The following FASTKD3 variants were observed in gnomAD, a reference collection of about 807,000 sequenced individuals.
FASTKD3 encodes the protein FAST kinase domain-containing protein 3, mitochondrial.
Under a neutral mutation model 49.7 loss-of-function variants are expected in FASTKD3, and 47 were observed. The ratio of observed to expected loss-of-function variants is 0.95; its 90% CI spans 0.75 to 1.21. FASTKD3 has a LOEUF of 1.21. Ranked by LOEUF, FASTKD3 falls within the 50% of genes most tolerant of loss-of-function variation. The pLI is 0.00. For missense variants in FASTKD3, 748 were observed against 765.7 expected (o/e 0.98, Z 0.27); for synonymous variants, 284 against 288.6 (o/e 0.98, Z 0.16).
rs762935003 is a variant in FASTKD3 at position 7,866,869 on chromosome 5, A to G, written c.1215T>C (p.Pro405=). 1.9e-6 allele frequency: 3 copies of G among 1,614,110 alleles called. No homozygotes were observed. In the East Asian group the frequency reaches 6.7e-5, roughly 36 times the overall value. ...TFVCQTEKFS[P]RQISALMEPF... ...GTTCCATTAAGGCAGAAATCTGACG[A>G]GGTGAAAATTTTTCTGTTTGGCAAA... is the stretch of plus-strand genomic sequence containing the variant. Residue 405 remains proline, a synonymous_variant, in exon 2 of 7, where the codon CCT becomes CCC. Coordinates refer to ENST00000264669, the MANE Select transcript of FASTKD3 (RefSeq NM_024091.4).
In FASTKD3 at chr5:7,867,864, G is replaced by A; in HGVS notation, c.220C>T (p.His74Tyr). ...GAGAACACTGGTCCACCGAGTGGAT[G>A]AAGGTCATTTCCATTTTTCGAATGA... Reference protein sequence around the residue: ...KFHSKNGNDLHPLGGPVFSQV... With the variant: ...KFHSKNGNDLYPLGGPVFSQV... Residue 74 changes from histidine (H) to tyrosine (Y), a missense_variant, in exon 2 of 7, where the codon CAT becomes TAT. This residue lies in a region of FASTKD3 where 564 missense variants were observed against 562.8 expected (regional missense o/e 1.00). Coordinates refer to ENST00000264669, the MANE Select transcript of FASTKD3 (RefSeq NM_024091.4). The A allele has an allele frequency of 6.2e-7, 1 of 1,614,186 alleles. No individual in the cohort carries two copies. The highest frequency in any genetic ancestry group is 8.5e-7 in the Non-Finnish European group (1 of 1,180,024).
At position 7,867,740 on chromosome 5, in the gene FASTKD3, ACTT is replaced by A. The variant is rs766613241; in HGVS notation, c.341_343del (p.Glu114del). The A allele has an allele frequency of 5.0e-6, 8 of 1,614,038 alleles. No homozygotes were observed. The highest frequency in any genetic ancestry group is 4.0e-5 in the African/African-American group (3 of 74,906). Reference sequence around the variant, plus strand: ...TTCCATCGTGCTTATAAAACTTAGCACTTCTTCTGATGAAGTCAAGTTGCTCAG... The same window carrying A: ...TTCCATCGTGCTTATAAAACTTAGCACTTCTGATGAAGTCAAGTTGCTCAG... On this transcript the variant is annotated inframe_deletion, in exon 2 of 7. Transcript: ENST00000264669.
At chr5:7,866,156 A>T (rs1172262727) in intron 2 of FASTKD3, among the ~76,000 whole-genome samples, 173 bp from the exon 3 acceptor site, 1 of 152,202 alleles carries the variant, frequency 6.6e-6, no homozygotes, top group Non-Finnish European at 1.5e-5. Flanking sequence ...GCCACCAATG[A>T]AATTGACTTC....
chr5:7,861,241 G>C lies in FASTKD3; in HGVS notation c.1792C>G (p.Pro598Ala). The change falls in exon 6 of 7, where the codon CCA becomes GCA. Residue 598 changes from proline to alanine, a missense_variant. This residue lies in a region of FASTKD3 where 178 missense variants were observed against 182.2 expected (regional missense o/e 0.98). Transcript: ENST00000264669. ...TTGCTATTGGAGCAAAACCTTTTTG[G>C]ACCATCAATACACAGTGCTATCCTG... The part of the protein sequence containing the change: ...HKRIALCIDG[P>A]KRFCSNSKHL... 1 of 1,609,220 alleles carries C rather than the reference G, an allele frequency of 6.2e-7. No homozygotes were observed. The highest frequency in any genetic ancestry group is 8.5e-7 in the Non-Finnish European group (1 of 1,176,282).
intron 4 of FASTKD3, 59 bp downstream of exon 4, chr5:7,862,764 T>G (rs553690613): frequency 2.1e-6 from 3 of 1,419,600 alleles, no homozygotes; most frequent in African/African-American, 1.4e-5. Context: ...GTCCCATATA[T>G]CTCCAAAATC....
At chr5:7,864,608 T>C (rs554304721) in intron 3 of FASTKD3, among the ~76,000 whole-genome samples, 2 of 152,146 alleles carry the variant, frequency 1.3e-5, no homozygotes, top group African/African-American at 4.8e-5. Context: ...TCAAAAGAAA[T>C]GTAAATGGCC....
chr5:7,868,285 G>A (rs544183339), intron 1 of FASTKD3, 89 bp from the exon 2 acceptor site: 1 of 510,670 alleles, frequency 2.0e-6, no homozygotes, highest in East Asian at 3.1e-5. Context: ...TAGAAGAGTG[G>A]CTGACATTGA....
Position 7,859,501 on chromosome 5 carries a change from A to G in FASTKD3, c.1923T>C (p.Arg641=). ...TTCTTTGTAAATATTCCACCAATTC[A>G]CGTCTTGATTTTAGCATCCCAATCT... ...YHEIGMLKSR[R]ELVEYLQRKL... is the part of the protein sequence containing the mutation. Residue 641 remains arginine, a synonymous_variant, in exon 7 of 7, where the codon CGT becomes CGC. Coordinates refer to ENST00000264669, the MANE Select transcript of FASTKD3 (RefSeq NM_024091.4). 6.2e-7 allele frequency: 1 copy of G among 1,606,202 alleles called. No homozygotes were observed.
chr5:7,864,692 C>T (rs1011736535), intron 3 of FASTKD3, among the ~76,000 whole-genome samples: 3 of 152,136 alleles, frequency 2.0e-5, no homozygotes, highest in Admixed American at 1.3e-4. Context: ...ATATGATATC[C>T]TCTTTCATGT....
At chr5:7,861,773 G>C in intron 4 of FASTKD3, 121 bp from the exon 5 acceptor site, 15 of 1,448,184 alleles carry the variant, frequency 1.0e-5, no homozygotes, top group Non-Finnish European at 1.4e-5. Context: ...TGGACTGAAG[G>C]CTGCAAAGTA....
intron 2 of FASTKD3, among the ~76,000 whole-genome samples, 198 bp from the exon 3 acceptor site, chr5:7,866,181 C>G (rs1407731741): frequency 1.3e-5 from 2 of 152,146 alleles, no homozygotes; most frequent in Non-Finnish European, 2.9e-5. Flanking sequence ...AACCCAAGCT[C>G]CTAGCTACAG....
Position 7,859,289 on chromosome 5 carries a change from A to G in FASTKD3, c.*146T>C. The G allele has an allele frequency of 6.6e-6, 3 of 452,550 alleles. No homozygotes were observed. The highest frequency in any genetic ancestry group is 1.2e-5 in the Non-Finnish European group (3 of 255,078). The allele number at this position is 452,550 out of a possible 1,614,324, so 28.0% of individuals were successfully genotyped here. A position where few individuals can be genotyped will look rare whatever the true frequency, so the allele number is the denominator to read the frequency against. On this transcript the variant is annotated 3_prime_UTR_variant, in exon 7 of 7. Coordinates refer to ENST00000264669, the MANE Select transcript of FASTKD3 (RefSeq NM_024091.4). ...AAATTTTACCACAATAAATGTATACATAGTATAAGGAAAACTACAGATGCT... is the reference window on the plus strand; with the variant it reads ...AAATTTTACCACAATAAATGTATACGTAGTATAAGGAAAACTACAGATGCT...
chr5:7,859,581 A>G, intron 6 of FASTKD3, 42 bp from the exon 7 acceptor site: 2 of 1,284,804 alleles, frequency 1.6e-6, no homozygotes, highest in South Asian at 1.3e-5. Context: ...ATCCTTCAAA[A>G]TCTGAGGTTC....
chr5:7,866,313 CAAAAAAAA>C (rs35385669), intron 2 of FASTKD3, among the ~76,000 whole-genome samples: 1 of 140,418 alleles, frequency 7.1e-6, no homozygotes, highest in Non-Finnish European at 1.6e-5. Context: ...ACCATCCTCT[CAAAAAAAA>C]AAAAAAAGAT....
chr5:7,861,858 G>A, intron 4 of FASTKD3: 1 of 1,136,034 alleles, frequency 8.8e-7, no homozygotes, highest in African/African-American at 1.6e-5. Context: ...CTTAAATTAA[G>A]AAAGCTCAAT....
intron 3 of FASTKD3, 71 bp from the exon 4 acceptor site, chr5:7,863,068 C>A: frequency 7.2e-7 from 1 of 1,385,352 alleles, no homozygotes; most frequent in Non-Finnish European, 1.0e-6. Context: ...TTGAAGGTTA[C>A]CTAGGTAGAA....
chr5:7,866,053 T>G (rs1746925022), intron 2 of FASTKD3, 70 bp from the exon 3 acceptor site: 1 of 1,159,518 alleles, frequency 8.6e-7, no homozygotes, highest in African/African-American at 1.5e-5. Flanking sequence ...ATCATGAACA[T>G]TCAACATCAA....
chr5:7,860,302 C>T (rs1250078351), intron 6 of FASTKD3, among the ~76,000 whole-genome samples: 4 of 152,170 alleles, frequency 2.6e-5, no homozygotes, highest in Admixed American at 6.5e-5. Context: ...CTCATTCTCA[C>T]GCACTGCTGA....
intron 4 of FASTKD3, 78 bp from the exon 5 acceptor site, chr5:7,861,730 TG>T: frequency 6.5e-7 from 1 of 1,542,270 alleles, no homozygotes. Flanking sequence ...TCCTTTGCTT[TG>T]CTTTGATTCC....
Sources: allele counts gnomAD v4.1 joint callset (sites outside exome capture counted in the v4.1 genomes callset), GRCh38; gene constraint gnomAD v4.1.1; regional missense constraint gnomAD v4.1.1; transcripts MANE v1.5; gene names NCBI Gene and HGNC (gene_info 2026-07-23, HGNC 2026-07-21).